Variants in KBTBD11 observed in about 807,000 individuals in gnomAD.
KBTBD11 encodes the protein kelch repeat and BTB domain containing 11.
For missense variants in KBTBD11, 1,390 were observed against 1,001.8 expected, an observed-to-expected ratio of 1.39 and a Z score of -5.23; for synonymous variants, 747 against 499.0, an observed-to-expected ratio of 1.50 and a Z score of -6.63.
intron 1 of KBTBD11, among the ~76,000 whole-genome samples, chr8:1,977,449 A>C (rs183059741): frequency 6.6e-6 from 1 of 152,308 alleles, no homozygotes; most frequent in Non-Finnish European, 1.5e-5. Flanking sequence ...GGACTCCTGC[A>C]GTAGTCTCTG....
intron 1 of KBTBD11, among the ~76,000 whole-genome samples, chr8:1,983,359 C>T (rs148658242): frequency 1.6e-3 from 238 of 152,342 alleles, no homozygotes; most frequent in South Asian, 6.4e-3. Context: ...TCCCCAGTCA[C>T]GATGCTCCTT....
chr8:2,001,547 T>TC lies in KBTBD11; in HGVS notation c.360dup (p.Glu121ArgfsTer331). The TC allele has an allele frequency of 1.4e-6, 2 of 1,432,836 alleles. No homozygotes were observed. Among genetic ancestry groups the TC allele is most frequent in the Non-Finnish European group, 1.8e-6 (2 of 1,098,828 alleles). The allele number at this position is 1,432,836 out of a possible 1,614,324, so 88.8% of individuals were successfully genotyped here. A position where few individuals can be genotyped will look rare whatever the true frequency, so the allele number is the denominator to read the frequency against. On this transcript the variant is annotated frameshift_variant, in exon 2 of 2. Transcript: ENST00000320248. LOFTEE classifies it low-confidence loss of function (END_TRUNC). ...GCGCGTTTGGCTTGAGGACCCCGCG[T>TC]CCCCCGAGGAGCCCGGGGAGCCCGC...
rs1004045330 is a variant in KBTBD11, at chr8:2,005,786, C to A, written c.*2722C>A. 1 of 167,104 alleles carries A rather than the reference C, an allele frequency of 6.0e-6. No individual in the cohort carries two copies. Among genetic ancestry groups the A allele is most frequent in the African/African-American group, 2.4e-5 (1 of 41,454 alleles). 10.4% of individuals were successfully genotyped at this position (167,104 alleles called of 1,614,324 possible). ...GTCTGACTCGTGAAATTAACCCATA[C>A]GCAGGGGCCTTTCCAAATGTCTGAA... On this transcript the variant is annotated 3_prime_UTR_variant, in exon 2 of 2. Coordinates refer to ENST00000320248, the MANE Select transcript of KBTBD11 (RefSeq NM_014867.3).
At chr8:1,981,980 C>T (rs1029150564) in intron 1 of KBTBD11, among the ~76,000 whole-genome samples, 2 of 152,206 alleles carry the variant, frequency 1.3e-5, no homozygotes, top group African/African-American at 4.8e-5. Flanking sequence ...CCTAGCAAAT[C>T]CCCTCTCATC....
intron 1 of KBTBD11, among the ~76,000 whole-genome samples, chr8:1,985,581 G>T (rs1028629291): frequency 6.6e-6 from 1 of 152,244 alleles, no homozygotes; most frequent in Admixed American, 6.5e-5. Flanking sequence ...AATAACCTTT[G>T]TGAGACTGAA....
chr8:1,983,015 G>A (rs893051883), intron 1 of KBTBD11, among the ~76,000 whole-genome samples: 1 of 152,112 alleles, frequency 6.6e-6, no homozygotes, highest in African/African-American at 2.4e-5. Flanking sequence ...CATGAGCCAG[G>A]TGGGCTCTTT....
At chr8:1,976,104 C>T (rs560258120) in intron 1 of KBTBD11, 2 of 152,204 alleles carry the variant, frequency 1.3e-5, no homozygotes, top group African/African-American at 2.4e-5. Flanking sequence ...AGCCTCCTTG[C>T]ATCCAAGGCT....
chr8:1,992,782 A>C (rs2129313373), intron 1 of KBTBD11, among the ~76,000 whole-genome samples: 1 of 152,178 alleles, frequency 6.6e-6, no homozygotes, highest in African/African-American at 2.4e-5. Flanking sequence ...AGATTTTAAA[A>C]CCTAGCTGTA....
intron 1 of KBTBD11, among the ~76,000 whole-genome samples, chr8:1,995,990 C>A (rs891873167): frequency 1.3e-5 from 2 of 152,168 alleles, no homozygotes; most frequent in Non-Finnish European, 2.9e-5. Flanking sequence ...TGTGACTGTC[C>A]TCCAGCCTGG....
In KBTBD11 at chr8:2,003,014, G is replaced by C; in HGVS notation, c.1822G>C (p.Ala608Pro). The C allele has an allele frequency of 6.2e-6, 8 of 1,281,282 alleles. No homozygotes were observed. The highest frequency in any genetic ancestry group is 6.9e-6 in the Non-Finnish European group (7 of 1,013,694). 79.4% of individuals were successfully genotyped at this position (1,281,282 alleles called of 1,614,324 possible). A position where few individuals can be genotyped will look rare whatever the true frequency, so the allele number is the denominator to read the frequency against. Residue 608 changes from alanine (A) to proline (P), a missense_variant, in exon 2 of 2, where the codon GCT (alanine) becomes CCT (proline). Ala to Pro is a conservative substitution (Grantham distance 27). Transcript: ENST00000320248. ...CGTCCGGGGTGTGCTCATCCCGTTC[G>C]CTCTCAGCCTGCCTGAGAAGCCGCC... Reference protein sequence around the residue: ...LDVRGVLIPFALSLPEKPPRG... With the variant: ...LDVRGVLIPFPLSLPEKPPRG...
Position 1,973,689 on chromosome 8 carries a change from C to G in KBTBD11, c.-1155C>G. The G allele has an allele frequency of 1.0e-6, 1 of 983,534 alleles. No individual in the cohort carries two copies. Among genetic ancestry groups the G allele is most frequent in the Non-Finnish European group, 1.2e-6 (1 of 829,072 alleles). The allele number at this position is 983,534 out of a possible 1,614,324, so 60.9% of individuals were successfully genotyped here. On this transcript the variant is annotated 5_prime_UTR_variant, in exon 1 of 2. Transcript: ENST00000320248. ...CGCCCCCCTCCCCGCGCCCCGCGCG[C>G]GCCCCTCGCAGCCTGGAGCCGGAGC...
intron 1 of KBTBD11, among the ~76,000 whole-genome samples, chr8:1,984,224 G>A (rs914014083): frequency 6.6e-6 from 1 of 151,422 alleles, no homozygotes; most frequent in Admixed American, 6.6e-5. Context: ...GATCACTTGA[G>A]CCTGGGAGTT....
At chr8:1,996,058 A>G (rs1439912652) in intron 1 of KBTBD11, among the ~76,000 whole-genome samples, 1 of 152,134 alleles carries the variant, frequency 6.6e-6, no homozygotes, top group Admixed American at 6.5e-5. Context: ...GAGATTCCCT[A>G]CAGGTTTCTA....
At chr8:1,986,776 A>G (rs1816717281) in intron 1 of KBTBD11, among the ~76,000 whole-genome samples, 1 of 152,180 alleles carries the variant, frequency 6.6e-6, no homozygotes, top group African/African-American at 2.4e-5. Context: ...AATATTTCAA[A>G]CACCATAATG....
intron 1 of KBTBD11, among the ~76,000 whole-genome samples, chr8:1,989,401 C>T (rs530411190): frequency 6.6e-5 from 10 of 152,144 alleles, no homozygotes; most frequent in African/African-American, 1.2e-4. Context: ...CGAGGACAGG[C>T]GCCAGCGGCT....
At chr8:1,988,896 A>G (rs1816786512) in intron 1 of KBTBD11, among the ~76,000 whole-genome samples, 1 of 149,916 alleles carries the variant, frequency 6.7e-6, no homozygotes, top group South Asian at 2.1e-4. Context: ...ATGTAAATCT[A>G]ACAGATTGAC....
In KBTBD11 at chr8:2,002,030, G is replaced by C. The variant is rs920934873; in HGVS notation, c.838G>C (p.Glu280Gln). Reference protein sequence around the residue: ...PAVFGRLSGAERDLLLRRRLR... With the variant: ...PAVFGRLSGAQRDLLLRRRLR... ...CGTGTTCGGCCGCCTGTCGGGCGCAGAGCGGGACCTGCTGCTGCGCCGCCG... is the reference window on the plus strand; with the variant it reads ...CGTGTTCGGCCGCCTGTCGGGCGCACAGCGGGACCTGCTGCTGCGCCGCCG... Residue 280 changes from glutamate (E) to glutamine (Q), a missense_variant, in exon 2 of 2, where the codon GAG becomes CAG. By Grantham distance (29) the Glu-to-Gln change is conservative. Coordinates refer to ENST00000320248, the MANE Select transcript of KBTBD11 (RefSeq NM_014867.3). This position sits in a 1 kb window ranked among gnomAD's most constrained non-coding sequence, Gnocchi z 4.1. 1 of 1,350,276 alleles carries C rather than the reference G, an allele frequency of 7.4e-7. No homozygotes were observed. Among genetic ancestry groups the C allele is most frequent in the Non-Finnish European group, 9.6e-7 (1 of 1,038,268 alleles). 83.6% of individuals were successfully genotyped at this position (1,350,276 alleles called of 1,614,324 possible). A position where few individuals can be genotyped will look rare whatever the true frequency, so the allele number is the denominator to read the frequency against.
At position 2,001,648 on chromosome 8, in the gene KBTBD11, C is replaced by CGCGCACAAGGCGGTGCTGGCG; in HGVS notation, c.461_481dup (p.His154_Ala160dup). On this transcript the variant is annotated inframe_insertion, in exon 2 of 2. Transcript: ENST00000320248. ...TGGAGGTGTCGGGGCGCCGGCTGCG[C>CGCGCACAAGGCGGTGCTGGCG]GCGCACAAGGCGGTGCTGGCGGCGC... 6.8e-7 allele frequency: 1 copy of CGCGCACAAGGCGGTGCTGGCG among 1,478,330 alleles called. No individual in the cohort carries two copies. Among genetic ancestry groups the CGCGCACAAGGCGGTGCTGGCG allele is most frequent in the Non-Finnish European group, 8.9e-7 (1 of 1,120,084 alleles). 91.6% of individuals were successfully genotyped at this position (1,478,330 alleles called of 1,614,324 possible).
intron 1 of KBTBD11, among the ~76,000 whole-genome samples, chr8:1,985,618 G>A (rs973646742): frequency 3.9e-5 from 6 of 152,234 alleles, no homozygotes; most frequent in Non-Finnish European, 7.3e-5. Flanking sequence ...CCCCGAACAC[G>A]CTACAGTCGT....
Sources: allele counts gnomAD v4.1 joint callset (sites outside exome capture counted in the v4.1 genomes callset), GRCh38; gene constraint gnomAD v4.1.1; non-coding constraint Gnocchi (gnomAD v3.1); transcripts MANE v1.5; gene names NCBI Gene and HGNC (gene_info 2026-07-23, HGNC 2026-07-21).